Variants in MCM10 observed in about 807,000 individuals in gnomAD.
The protein encoded by MCM10 is minichromosome maintenance 10 replication initiation factor.
MCM10 carries 91 observed loss-of-function variants against 109.9 expected under a neutral mutation model. That is an observed-to-expected ratio of 0.83 (90% CI 0.70 to 0.99). The LOEUF is 0.99. Ranked by LOEUF, MCM10 falls within the 50% of genes least tolerant of loss-of-function variation. The probability of loss-of-function intolerance (pLI) is 0.00; values close to 1 mark genes in which losing one functional copy is unlikely to be tolerated. For synonymous variants in MCM10, 380 were observed against 387.2 expected, an observed-to-expected ratio of 0.98 and a Z score of 0.22; for missense variants, 1,077 against 1,061.2, an observed-to-expected ratio of 1.01 and a Z score of -0.21.
intron 16 of MCM10, among the ~76,000 whole-genome samples, chr10:13,199,819 G>C (rs1412818438): frequency 6.6e-6 from 1 of 152,108 alleles, no homozygotes; most frequent in Non-Finnish European, 1.5e-5. Context: ...AAATAGCATG[G>C]ACCTATTTCT....
chr10:13,197,885 A>C, intron 15 of MCM10, 118 bp downstream of exon 15: 1 of 999,824 alleles, frequency 1.0e-6, no homozygotes, highest in Non-Finnish European at 1.4e-6. Context: ...CCTATATAGA[A>C]TACCTAAATA....
chr10:13,189,437 C>T (rs1488853440), intron 10 of MCM10, among the ~76,000 whole-genome samples: 1 of 152,110 alleles, frequency 6.6e-6, no homozygotes, highest in Non-Finnish European at 1.5e-5. Flanking sequence ...ATTCTTCTGC[C>T]TCAGCCTCCT....
At chr10:13,164,022 T>C in intron 1 of MCM10, 106 bp from the exon 2 acceptor site, 1 of 418,896 alleles carries the variant, frequency 2.4e-6, no homozygotes, top group Non-Finnish European at 4.3e-6. Context: ...GGATGAATTC[T>C]GAGGTTAGAG....
intron 1 of MCM10, among the ~76,000 whole-genome samples, chr10:13,161,957 G>A (rs1833932847): frequency 6.6e-6 from 1 of 152,214 alleles, no homozygotes; most frequent in Non-Finnish European, 1.5e-5. Flanking sequence ...ATTATTGAAT[G>A]CGGACGGTGT....
At chr10:13,197,579 T>C in intron 14 of MCM10, 44 bp from the exon 15 acceptor site, 1 of 1,581,328 alleles carries the variant, frequency 6.3e-7, no homozygotes, top group South Asian at 1.2e-5. Context: ...AGTGCCTCTG[T>C]CATCTTTTAG....
At chr10:13,207,063 C>T (rs1834591589) in intron 18 of MCM10, among the ~76,000 whole-genome samples, 1 of 152,076 alleles carries the variant, frequency 6.6e-6, no homozygotes, top group African/African-American at 2.4e-5. Context: ...GCTCAGCTGC[C>T]CAAAGTGCTG....
intron 7 of MCM10, among the ~76,000 whole-genome samples, chr10:13,181,621 T>C (rs1834210600): frequency 1.3e-5 from 2 of 152,156 alleles, no homozygotes; most frequent in Non-Finnish European, 2.9e-5. Context: ...CAAACCATCA[T>C]GACACACGTT....
Position 13,175,681 on chromosome 10 carries a change from G to T in MCM10, c.764G>T (p.Arg255Met). ...GAAGCCTTCTCTGGTCTGCGGCTCAGGTCAGTAGCTAAACCATCTATTCAT... is the reference window on the plus strand; with the variant it reads ...GAAGCCTTCTCTGGTCTGCGGCTCATGTCAGTAGCTAAACCATCTATTCAT... The part of the protein sequence containing the change: ...CVEAFSGLRL[R>M]RPRVSSTEMN... The change falls in exon 6 of 20, where the codon AGG becomes ATG. Residue 255 changes from arginine (R) to methionine (M), a missense_variant and splice_region_variant. Transcript: ENST00000378714. 6.3e-6 allele frequency: 10 copies of T among 1,594,366 alleles called. No homozygotes were observed. Among genetic ancestry groups the T allele is most frequent in the Non-Finnish European group, 7.7e-6 (9 of 1,169,408 alleles).
chr10:13,186,327 G>A (rs1326333560), intron 9 of MCM10, 47 bp downstream of exon 9: 1 of 1,304,868 alleles, frequency 7.7e-7, no homozygotes, highest in South Asian at 1.2e-5. Context: ...GAAAAGAACA[G>A]TTAGGAATAA....
chr10:13,198,752 A>G lies in MCM10; in HGVS notation c.2183A>G (p.Glu728Gly). The G allele has an allele frequency of 3.1e-6, 5 of 1,613,974 alleles. No homozygotes were observed. The highest frequency in any genetic ancestry group is 4.2e-6 in the Non-Finnish European group (5 of 1,180,008). The change falls in exon 16 of 20, where the codon GAG (glutamate) becomes GGG (glycine). Residue 728 changes from glutamate (E) to glycine (G), a missense_variant. Glu to Gly is a moderately conservative substitution (Grantham distance 98). Coordinates refer to ENST00000378714, the MANE Select transcript of MCM10 (RefSeq NM_018518.5). ...GAACAACTTGCCTATCTGGAATCTGAGGAATTTCAGAAAATCCTAAAAGCA... is the reference window on the plus strand; with the variant it reads ...GAACAACTTGCCTATCTGGAATCTGGGGAATTTCAGAAAATCCTAAAAGCA... ...RREQLAYLES[E>G]EFQKILKAKS...
At position 13,174,617 on chromosome 10, in the gene MCM10, A is replaced by T. The variant is rs1834116752; in HGVS notation, c.593-893A>T. 2.6e-5 allele frequency among the ~76,000 whole-genome samples: 4 copies of T among 152,306 alleles called. No individual in the cohort carries two copies. In the South Asian group the frequency reaches 8.3e-4, roughly 32 times the overall value. On this transcript the variant is annotated intron_variant, in intron 5 of 19. Transcript: ENST00000378714. ...CTGTGGATATTTAAGTTAAAATTAG[A>T]TTAAATTTAGTTAGAAATGTATTTC...
chr10:13,177,112 A>G (rs780187447), intron 6 of MCM10, among the ~76,000 whole-genome samples: 6 of 152,158 alleles, frequency 3.9e-5, no homozygotes, highest in Non-Finnish European at 8.8e-5. Context: ...GAAGCTCCCT[A>G]TGGGTAATGA....
chr10:13,201,141 C>T (rs1275500719), intron 16 of MCM10, among the ~76,000 whole-genome samples: 1 of 152,118 alleles, frequency 6.6e-6, no homozygotes, highest in African/African-American at 2.4e-5. Context: ...GAGACTCCAT[C>T]TCAAAAATAA....
chr10:13,163,687 TTG>T lies in MCM10; in HGVS notation c.-75-425_-75-424del, dbSNP rs150847036. Reference sequence around the variant, plus strand: ...CCTAATGTAGATCGACCCCAATAATTTGTGTGTGTGTGTGTGTAATTTTTAAA... The same window carrying T: ...CCTAATGTAGATCGACCCCAATAATTTGTGTGTGTGTGTGTAATTTTTAAA... On this transcript the variant is annotated intron_variant, in intron 1 of 19. Coordinates refer to ENST00000378714, the MANE Select transcript of MCM10 (RefSeq NM_018518.5). Among the ~76,000 whole-genome samples the T allele has an allele frequency of 5.4e-3, 810 of 150,806 alleles. 9 individuals are homozygous for T. The highest frequency in any genetic ancestry group is 0.019 in the African/African-American group (763 of 41,098).
intron 6 of MCM10, 94 bp from the exon 7 acceptor site, chr10:13,180,348 G>A: frequency 9.3e-7 from 1 of 1,077,254 alleles, no homozygotes; most frequent in Non-Finnish European, 1.3e-6. Flanking sequence ...TACTGTAGAG[G>A]TTTCTGACCA....
chr10:13,197,460 AG>A (rs1313624564), intron 14 of MCM10, among the ~76,000 whole-genome samples, 162 bp from the exon 15 acceptor site: 1 of 152,230 alleles, frequency 6.6e-6, no homozygotes, highest in East Asian at 1.9e-4. Context: ...ATTATATTCT[AG>A]TAATTGTGTT....
chr10:13,193,969 T>G (rs1834382535), intron 13 of MCM10, among the ~76,000 whole-genome samples: 1 of 152,096 alleles, frequency 6.6e-6, no homozygotes, highest in Non-Finnish European at 1.5e-5. Context: ...TAATCCTGAG[T>G]CTGGCCCTTG....
chr10:13,197,881 T>G, intron 15 of MCM10, 114 bp downstream of exon 15: 2 of 1,042,900 alleles, frequency 1.9e-6, no homozygotes, highest in Admixed American at 5.4e-5. Flanking sequence ...TCCTCCTATA[T>G]AGAATACCTA....
chr10:13,183,865 T>C (rs1834240633), intron 8 of MCM10, among the ~76,000 whole-genome samples: 1 of 152,044 alleles, frequency 6.6e-6, no homozygotes. Context: ...TTGTGGTTTT[T>C]TTGTGTGTAT....
Sources: allele counts gnomAD v4.1 joint callset (sites outside exome capture counted in the v4.1 genomes callset), GRCh38; gene constraint gnomAD v4.1.1; transcripts MANE v1.5; gene names NCBI Gene and HGNC (gene_info 2026-07-23, HGNC 2026-07-21).